Variants in CNNM1 observed in about 807,000 individuals in gnomAD.
CNNM1 encodes cyclin and CBS domain divalent metal cation transport mediator 1.
CNNM1 carries 44 observed loss-of-function variants against 78.8 expected under a neutral mutation model. That is an observed-to-expected ratio of 0.56 (90% CI 0.44 to 0.72). The LOEUF (loss-of-function observed/expected upper bound fraction) is 0.72. CNNM1 is among the 30% of genes least tolerant of loss of function. CNNM1 has a pLI of 0.00. For missense variants in CNNM1, 1,101 were observed against 1,292.2 expected, an observed-to-expected ratio of 0.85 and a Z score of 2.27; for synonymous variants, 584 against 581.5, an observed-to-expected ratio of 1.00 and a Z score of -0.06.
At chr10:99,336,850 T>C (rs2030210788) in intron 1 of CNNM1, among the ~76,000 whole-genome samples, 1 of 151,990 alleles carries the variant, frequency 6.6e-6, no homozygotes, top group Non-Finnish European at 1.5e-5. Context: ...CACCTGTAAT[T>C]CCAGTTACTC....
intron 5 of CNNM1, 143 bp downstream of exon 5, chr10:99,364,659 C>T: frequency 1.5e-6 from 1 of 686,082 alleles, no homozygotes; most frequent in Non-Finnish European, 2.4e-6. Flanking sequence ...GTTCCTTCCT[C>T]TGCAAAATGG....
chr10:99,338,613 A>T (rs927055345), intron 1 of CNNM1, among the ~76,000 whole-genome samples: 10 of 152,150 alleles, frequency 6.6e-5, no homozygotes, highest in African/African-American at 2.4e-4. Context: ...ACTGAAGTTT[A>T]TGTTTCTATA....
At chr10:99,332,684 T>C (rs2029972913) in intron 1 of CNNM1, among the ~76,000 whole-genome samples, 1 of 152,192 alleles carries the variant, frequency 6.6e-6, no homozygotes, top group Non-Finnish European at 1.5e-5. Context: ...AATATTAAAA[T>C]GTAGCCTGGA....
chr10:99,343,335 C>T (rs894063158), intron 1 of CNNM1, among the ~76,000 whole-genome samples: 5 of 152,076 alleles, frequency 3.3e-5, no homozygotes, highest in Non-Finnish European at 5.9e-5. Flanking sequence ...GATAATCCCT[C>T]GTAGTTGCAA....
intron 1 of CNNM1, among the ~76,000 whole-genome samples, chr10:99,348,048 A>ATC (rs527803469): frequency 7.5e-6 from 1 of 132,874 alleles, no homozygotes; most frequent in South Asian, 2.3e-4. Context: ...GTATATATAT[A>ATC]TATTTTTTTT....
Position 99,392,152 on chromosome 10 carries a change from G to A in CNNM1, c.*636G>A, listed in dbSNP as rs1053402751. On this transcript the variant is annotated 3_prime_UTR_variant, in exon 11 of 11. Coordinates refer to ENST00000356713, the MANE Select transcript of CNNM1 (RefSeq NM_020348.3). The stretch of plus-strand genomic sequence containing the variant: ...TTAGATAAGGGTTCCAGCAGCCTGG[G>A]GCAGTATGTCTCAGCTGGAATGGAA... 6.6e-6 allele frequency: 1 copy of A among 152,458 alleles called. No homozygotes were observed. The highest frequency in any genetic ancestry group is 2.4e-5 in the African/African-American group (1 of 41,438). The allele number at this position is 152,458 out of a possible 1,614,324, so 9.4% of individuals were successfully genotyped here. A position where few individuals can be genotyped will look rare whatever the true frequency, so the allele number is the denominator to read the frequency against.
chr10:99,360,939 C>T lies in CNNM1; in HGVS notation c.1822C>T (p.Gln608Ter). 5 of 1,612,366 alleles carry T rather than the reference C, an allele frequency of 3.1e-6. 1 individual carries two copies. In the South Asian group the frequency reaches 4.4e-5, roughly 14 times the overall value. The change falls in exon 3 of 11, where the codon CAG becomes TAG. Residue 608 changes from glutamine (Q) to a stop codon, truncating the protein, a stop_gained. Coordinates refer to ENST00000356713, the MANE Select transcript of CNNM1 (RefSeq NM_020348.3). LOFTEE classifies it high-confidence loss of function. ...GGAGATGCGGGTGAAGATCTCACCA[C>T]AGCTTCTGCTAGCCACACACCGCTT... ...DTEMRVKISP[Q>*]LLLATHRFMA...
chr10:99,354,128 C>G (rs994848482), intron 1 of CNNM1, among the ~76,000 whole-genome samples: 9 of 152,238 alleles, frequency 5.9e-5, no homozygotes, highest in Non-Finnish European at 1.0e-4. Context: ...TTTCGTTACA[C>G]TAGTTATTTG....
intron 1 of CNNM1, among the ~76,000 whole-genome samples, chr10:99,339,124 C>T (rs920546400): frequency 2.0e-5 from 3 of 152,210 alleles, no homozygotes; most frequent in Non-Finnish European, 4.4e-5. Flanking sequence ...GGGCTAGTAA[C>T]ACCATCTTTG....
At position 99,365,004 on chromosome 10, in the gene CNNM1, T is replaced by C. The variant is rs1464214611; in HGVS notation, c.2176+2T>C. 5 of 1,613,876 alleles carry C rather than the reference T, an allele frequency of 3.1e-6. No homozygotes were observed. The highest frequency in any genetic ancestry group is 2.2e-5 in the East Asian group (1 of 44,856). On this transcript the variant is annotated splice_donor_variant, in intron 6 of 10. Transcript: ENST00000356713. LOFTEE classifies it high-confidence loss of function. The stretch of plus-strand genomic sequence containing the variant: ...GTCTGGCTGGATCTTCTGTCTTTCG[T>C]ATGTATCTCTCAAACCCCTTCCTCG...
Position 99,329,686 on chromosome 10 carries a change from G to T in CNNM1, c.299G>T (p.Gly100Val). The part of the protein sequence containing the change: ...PTLNSGENGT[G>V]DWAPRLVFIE... ...CTCAACTCGGGGGAGAATGGCACCG[G>T]CGACTGGGCTCCGCGGCTCGTGTTC... The change falls in exon 1 of 11, where the codon GGC (glycine) becomes GTC (valine). Residue 100 changes from glycine (G) to valine (V), a missense_variant. Physicochemically the swap from Gly to Val is moderately radical, Grantham distance 109. Coordinates refer to ENST00000356713, the MANE Select transcript of CNNM1 (RefSeq NM_020348.3). 6.4e-7 allele frequency: 1 copy of T among 1,554,356 alleles called. No homozygotes were observed. The highest frequency in any genetic ancestry group is 8.6e-7 in the Non-Finnish European group (1 of 1,161,238).
intron 7 of CNNM1, 24 bp from the exon 8 acceptor site, chr10:99,387,795 TA>T: frequency 6.4e-7 from 1 of 1,557,478 alleles, no homozygotes; most frequent in Non-Finnish European, 8.7e-7. Context: ...TAGCTGCTCC[TA>T]AGCTCCTGCC....
At chr10:99,366,139 G>A (rs946068280) in intron 6 of CNNM1, among the ~76,000 whole-genome samples, 10 of 152,192 alleles carry the variant, frequency 6.6e-5, no homozygotes, top group African/African-American at 2.4e-4. Flanking sequence ...TGTGAAGAGT[G>A]GCAGAACTTG....
chr10:99,366,803 G>C (rs2031635489), intron 6 of CNNM1, among the ~76,000 whole-genome samples: 1 of 152,094 alleles, frequency 6.6e-6, no homozygotes, highest in Admixed American at 6.6e-5. Flanking sequence ...GTTTTAAGTA[G>C]AAGGAAGATG....
At chr10:99,350,322 G>A (rs574937518) in intron 1 of CNNM1, among the ~76,000 whole-genome samples, 3 of 152,150 alleles carry the variant, frequency 2.0e-5, no homozygotes, top group Middle Eastern at 3.2e-3. Context: ...ACCATAAAAC[G>A]ATTTTGCTTA....
chr10:99,341,949 G>A (rs1393098383), intron 1 of CNNM1, among the ~76,000 whole-genome samples: 2 of 152,132 alleles, frequency 1.3e-5, no homozygotes, highest in African/African-American at 2.4e-5. Flanking sequence ...TCATGAGAGT[G>A]TAGTTATTTT....
At chr10:99,390,694 T>C (rs907785867) in intron 10 of CNNM1, among the ~76,000 whole-genome samples, 3 of 152,256 alleles carry the variant, frequency 2.0e-5, no homozygotes, top group East Asian at 3.8e-4. Flanking sequence ...TAAGGACTTA[T>C]TGGATCACAG....
intron 10 of CNNM1, among the ~76,000 whole-genome samples, chr10:99,390,744 G>A (rs890600154): frequency 2.0e-5 from 3 of 152,322 alleles, no homozygotes; most frequent in Middle Eastern, 3.4e-3. Context: ...TGTCAGAGTC[G>A]AGTAATTGTG....
chr10:99,357,006 C>T (rs748845634), intron 1 of CNNM1, among the ~76,000 whole-genome samples: 2 of 152,150 alleles, frequency 1.3e-5, no homozygotes, highest in Admixed American at 6.5e-5. Flanking sequence ...CACACCTCTC[C>T]GTGGGAGGCA....
Sources: gnomAD v4.1 joint callset for allele counts (sites outside exome capture counted in the v4.1 genomes callset) on GRCh38, gnomAD v4.1.1 for gene constraint, MANE v1.5 for transcripts, NCBI Gene and HGNC (gene_info 2026-07-23, HGNC 2026-07-21) for gene names.